RANBP9: variants seen among roughly 807,000 people sequenced by gnomAD.
RANBP9 encodes the protein RAN binding protein 9.
Under a neutral mutation model 84.3 loss-of-function variants are expected in RANBP9, and 15 were observed. The ratio of observed to expected loss-of-function variants is 0.18; its 90% CI spans 0.12 to 0.27. The LOEUF (loss-of-function observed/expected upper bound fraction) is 0.27, where lower values mean the gene tolerates loss of function less well. Among genes scored for constraint, RANBP9 ranks in the 10% least tolerant of loss-of-function variants. RANBP9 has a pLI of 1.00. For missense variants in RANBP9, 809 were observed against 912.8 expected (o/e 0.89, Z 1.46); for synonymous variants, 392 against 349.6 (o/e 1.12, Z -1.35).
chr6:13,638,768 G>A (rs767509246), intron 9 of RANBP9, among the ~76,000 whole-genome samples: 1 of 151,946 alleles, frequency 6.6e-6, no homozygotes, highest in Non-Finnish European at 1.5e-5. Context: ...AAGTCACAGA[G>A]AGTAAGACTG....
intron 2 of RANBP9, 87 bp downstream of exon 2, chr6:13,696,698 G>A: frequency 1.8e-6 from 2 of 1,130,142 alleles, no homozygotes; most frequent in South Asian, 1.5e-5. Flanking sequence ...AAAATTTCCA[G>A]GATTCCAACT....
At chr6:13,647,058 C>G (rs955019779) in intron 5 of RANBP9, among the ~76,000 whole-genome samples, 2 of 152,132 alleles carry the variant, frequency 1.3e-5, no homozygotes, top group African/African-American at 4.8e-5. Context: ...GGAAATAACC[C>G]TTTCATCTAC....
chr6:13,710,654 C>T (rs1262397008), intron 1 of RANBP9, among the ~76,000 whole-genome samples: 1 of 152,234 alleles, frequency 6.6e-6, no homozygotes, highest in African/African-American at 2.4e-5. Flanking sequence ...GTCCTGTCAT[C>T]CCGGATTCCC....
At chr6:13,656,255 G>A (rs1404288801) in intron 4 of RANBP9, among the ~76,000 whole-genome samples, 1 of 151,914 alleles carries the variant, frequency 6.6e-6, no homozygotes, top group Non-Finnish European at 1.5e-5. Context: ...CTGCCTTCTA[G>A]GGTTACTCAG....
Position 13,621,600 on chromosome 6 carries a change from AAATT to A in RANBP9, c.*758_*761del, listed in dbSNP as rs914452530. On this transcript the variant is annotated 3_prime_UTR_variant, in exon 14 of 14. Coordinates refer to ENST00000011619, the MANE Select transcript of RANBP9 (RefSeq NM_005493.3). ...TAAAAATGGAAGGTGTACAAAGATT[AAATT>A]AAGACACGGTAAATTGACTAAATAT... 1 of 152,602 alleles carries A rather than the reference AAATT, an allele frequency of 6.6e-6. No homozygotes were observed. Among genetic ancestry groups the A allele is most frequent in the Non-Finnish European group, 1.5e-5 (1 of 68,038 alleles). 9.5% of individuals were successfully genotyped at this position (152,602 alleles called of 1,614,324 possible). A position where few individuals can be genotyped will look rare whatever the true frequency, so the allele number is the denominator to read the frequency against.
At chr6:13,679,357 C>T (rs998041986) in intron 2 of RANBP9, among the ~76,000 whole-genome samples, 7 of 152,242 alleles carry the variant, frequency 4.6e-5, no homozygotes, top group African/African-American at 1.7e-4. Flanking sequence ...ATTTATCCTG[C>T]CTTTTAATAA....
chr6:13,704,637 GAA>G (rs144736205), intron 1 of RANBP9, among the ~76,000 whole-genome samples: 1 of 131,870 alleles, frequency 7.6e-6, no homozygotes, highest in Non-Finnish European at 1.7e-5. Flanking sequence ...CCTCAAAAGA[GAA>G]AAAAAAAAAA....
At chr6:13,698,760 C>T (rs1019870147) in intron 1 of RANBP9, among the ~76,000 whole-genome samples, 1 of 152,154 alleles carries the variant, frequency 6.6e-6, no homozygotes, top group Non-Finnish European at 1.5e-5. Flanking sequence ...TATCATTTCA[C>T]AGTTGAGGAA....
In RANBP9 at chr6:13,623,007, G is replaced by T. The variant is rs1764497293; in HGVS notation, c.2060-515C>A. Among the ~76,000 whole-genome samples, 4 of 152,120 alleles carry T rather than the reference G, an allele frequency of 2.6e-5. No homozygotes were observed. The South Asian group carries it at 8.3e-4, about 32-fold the overall frequency. On this transcript the variant is annotated intron_variant, in intron 13 of 13. Coordinates refer to ENST00000011619, the MANE Select transcript of RANBP9 (RefSeq NM_005493.3). The stretch of plus-strand genomic sequence containing the variant: ...GGCTGGTGGGGAGTAAGTGGTGGTG[G>T]TGACAGTGAGAGAACATACAGCAGA...
At position 13,641,186 on chromosome 6, in the gene RANBP9, TATG is replaced by T; in HGVS notation, c.1334+10_1334+12del. 1 of 1,401,766 alleles carries T rather than the reference TATG, an allele frequency of 7.1e-7. No homozygotes were observed. Among genetic ancestry groups the T allele is most frequent in the Non-Finnish European group, 9.8e-7 (1 of 1,015,846 alleles). 86.8% of individuals were successfully genotyped at this position (1,401,766 alleles called of 1,614,324 possible). ...ATATATAACAAATATAGCATTTTAT[TATG>T]CAAACTCACTTTAATGTGAAAAGGA... On this transcript the variant is annotated intron_variant, in intron 8 of 13. Transcript: ENST00000011619.
chr6:13,686,441 G>A lies in RANBP9; in HGVS notation c.683+10344C>T, dbSNP rs543758929. 3.5e-3 allele frequency among the ~76,000 whole-genome samples: 535 copies of A among 151,856 alleles called. 2 individuals are homozygous for A. Among genetic ancestry groups the A allele is most frequent in the African/African-American group, 0.013 (518 of 41,404 alleles). ...ACTGGGTACAGGAATGCGCCACCAC[G>A]CCCAGCTATTTTTTTGTATTTTGGG... On this transcript the variant is annotated intron_variant, in intron 2 of 13. Coordinates refer to ENST00000011619, the MANE Select transcript of RANBP9 (RefSeq NM_005493.3).
At chr6:13,699,902 A>G (rs536798686) in intron 1 of RANBP9, among the ~76,000 whole-genome samples, 62 of 152,282 alleles carry the variant, frequency 4.1e-4, no homozygotes, top group African/African-American at 1.4e-3. Context: ...TTCTGAAAGC[A>G]TTTTGAATTT....
intron 2 of RANBP9, among the ~76,000 whole-genome samples, chr6:13,667,984 G>C (rs1212461079): frequency 1.3e-5 from 2 of 151,772 alleles, no homozygotes; most frequent in Non-Finnish European, 2.9e-5. Flanking sequence ...TAGCAGAAAA[G>C]GAATTATAAA....
intron 2 of RANBP9, among the ~76,000 whole-genome samples, chr6:13,686,115 CGCCCCCCG>C (rs1198940853): frequency 0.017 from 36 of 2,102 alleles, no homozygotes; most frequent in Non-Finnish European, 0.024. Flanking sequence ...CCCCCCCCCC[CGCCCCCCG>C]AAATAGAGTC....
chr6:13,631,236 T>C (rs1252637775), intron 12 of RANBP9, among the ~76,000 whole-genome samples: 3 of 152,204 alleles, frequency 2.0e-5, no homozygotes, highest in East Asian at 1.9e-4. Context: ...ATGGAGTAGA[T>C]GAAGTTCAAA....
chr6:13,632,650 A>T (rs1168945148), intron 11 of RANBP9, 129 bp from the exon 12 acceptor site: 2 of 868,914 alleles, frequency 2.3e-6, no homozygotes, highest in Non-Finnish European at 3.5e-6. Flanking sequence ...AAATATGCAG[A>T]TTGTTAAAAA....
rs115204545 is a variant in RANBP9, at chr6:13,680,936, G to A, written c.683+15849C>T. Among the ~76,000 whole-genome samples the A allele has an allele frequency of 7.9e-3, 1,198 of 152,174 alleles. 9 individuals are homozygous for A. Among genetic ancestry groups the A allele is most frequent in the Non-Finnish European group, 0.013 (863 of 68,002 alleles). On this transcript the variant is annotated intron_variant, in intron 2 of 13. Coordinates refer to ENST00000011619, the MANE Select transcript of RANBP9 (RefSeq NM_005493.3). ...AGCTTCAGATAACCAAAAAATCCTC[G>A]AAGTATCTTTGGGATAAGGTCTGAT...
intron 1 of RANBP9, 39 bp downstream of exon 1, chr6:13,710,896 T>G: frequency 1.3e-6 from 2 of 1,547,456 alleles, no homozygotes; most frequent in Non-Finnish European, 8.7e-7. Context: ...CCACGTCGGG[T>G]CAGTGCCCCA....
At position 13,641,034 on chromosome 6, in the gene RANBP9, A is replaced by G. The variant is rs375057779; in HGVS notation, c.1334+165T>C. ...ACCTTCTGCTTATGGTCCTTAACAC[A>G]AAAGTATTTTTCATAACATGTTGCT... is the stretch of plus-strand genomic sequence containing the variant. On this transcript the variant is annotated intron_variant, in intron 8 of 13. Transcript: ENST00000011619. 2.6e-5 allele frequency among the ~76,000 whole-genome samples: 4 copies of G among 152,298 alleles called. No homozygotes were observed. The South Asian group carries it at 8.3e-4, about 32-fold the overall frequency.
Sources: allele counts gnomAD v4.1 joint callset (sites outside exome capture counted in the v4.1 genomes callset), GRCh38; gene constraint gnomAD v4.1.1; transcripts MANE v1.5; gene names NCBI Gene and HGNC (gene_info 2026-07-23, HGNC 2026-07-21).